Variants in PPP1CB observed in about 807,000 individuals in gnomAD.
PPP1CB encodes serine/threonine-protein phosphatase PP1-beta catalytic subunit.
A neutral mutation model predicts 43.7 loss-of-function variants in PPP1CB; 2 were observed. The ratio of observed to expected loss-of-function variants is 0.05; its 90% confidence interval spans 0.02 to 0.14. The LOEUF is 0.14. Among genes scored for constraint, PPP1CB ranks in the 10% least tolerant of loss-of-function variants. PPP1CB has a pLI of 1.00. For synonymous variants in PPP1CB, 136 were observed against 135.6 expected (o/e 1.00, Z -0.02); for missense variants, 84 against 398.0 (o/e 0.21, Z 6.71).
At position 28,776,828 on chromosome 2, in the gene PPP1CB, CTGTTT is replaced by C; in HGVS notation, c.53-21_53-17del. 6.3e-7 allele frequency: 1 copy of C among 1,576,838 alleles called. No homozygotes were observed. The highest frequency in any genetic ancestry group is 2.3e-5 in the East Asian group (1 of 44,204). The stretch of plus-strand genomic sequence containing the variant: ...TTATGAGTAAATTTTAGAAAACTGA[CTGTTT>C]TATTTATCGTTTGTCAGTACGAGGA... On this transcript the variant is annotated intron_variant, in intron 1 of 7. Transcript: ENST00000395366.
At chr2:28,767,763 CT>C (rs1314880932) in intron 1 of PPP1CB, among the ~76,000 whole-genome samples, 5 of 152,118 alleles carry the variant, frequency 3.3e-5, no homozygotes, top group African/African-American at 1.2e-4. Flanking sequence ...ACAGAGGATT[CT>C]TTTGTTTTGC....
intron 1 of PPP1CB, among the ~76,000 whole-genome samples, chr2:28,771,975 CA>C (rs145379596): frequency 0.44 from 59,116 of 134,792 alleles, 12,477 homozygotes; most frequent in Middle Eastern, 0.54. Context: ...CGAACTTGTC[CA>C]AAAAAAAAAA....
At chr2:28,771,055 CT>C (rs61477582) in intron 1 of PPP1CB, among the ~76,000 whole-genome samples, 170 of 59,582 alleles carry the variant, frequency 2.9e-3, no homozygotes, top group African/African-American at 9.5e-3. Flanking sequence ...CCCCCCCACC[CT>C]TTTTTTTTTT....
intron 6 of PPP1CB, among the ~76,000 whole-genome samples, chr2:28,789,592 GAT>G (rs1491465739): frequency 7.6e-6 from 1 of 131,166 alleles, no homozygotes; most frequent in Non-Finnish European, 1.6e-5. Context: ...ATATGATTTA[GAT>G]TTTTTTTTTT....
upstream of PPP1CB, chr2:28,751,719 G>A (rs987730631): frequency 1.7e-5 from 4 of 238,656 alleles, no homozygotes; most frequent in Admixed American, 6.3e-5. Flanking sequence ...GAGCCTCGGC[G>A]GGGAGCGCAC....
intron 3 of PPP1CB, among the ~76,000 whole-genome samples, chr2:28,780,125 C>T (rs1045919197): frequency 8.1e-6 from 1 of 123,702 alleles, no homozygotes; most frequent in Non-Finnish European, 1.6e-5. Context: ...TCTCGCTCTT[C>T]TTGCCCAGGC....
intron 2 of PPP1CB, 31 bp downstream of exon 2, chr2:28,777,013 C>G: frequency 1.3e-6 from 2 of 1,594,822 alleles, no homozygotes; most frequent in Non-Finnish European, 1.7e-6. Flanking sequence ...GGAAACAACT[C>G]TTTTGAATCA....
At chr2:28,791,255 G>A (rs920733442) in intron 6 of PPP1CB, among the ~76,000 whole-genome samples, 1 of 151,848 alleles carries the variant, frequency 6.6e-6, no homozygotes, top group African/African-American at 2.4e-5. Flanking sequence ...TATTTAGCAG[G>A]ATTTCTTGGT....
chr2:28,758,361 TTC>T (rs1666537923), intron 1 of PPP1CB, among the ~76,000 whole-genome samples: 1 of 152,210 alleles, frequency 6.6e-6, no homozygotes, highest in African/African-American at 2.4e-5. Flanking sequence ...CTGACTTAAA[TTC>T]TGTTATGTAT....
chr2:28,761,174 G>T (rs1666637184), intron 1 of PPP1CB, among the ~76,000 whole-genome samples: 1 of 152,146 alleles, frequency 6.6e-6, no homozygotes, highest in Non-Finnish European at 1.5e-5. Flanking sequence ...ACTGGGGTGA[G>T]CCACCGCGCC....
chr2:28,763,385 A>G (rs938984262), intron 1 of PPP1CB, among the ~76,000 whole-genome samples: 83 of 152,104 alleles, frequency 5.5e-4, no homozygotes, highest in African/African-American at 2.0e-3. Context: ...CTTGGTGTGT[A>G]CTGAGACACT....
chr2:28,755,322 G>A (rs1666462344), intron 1 of PPP1CB, among the ~76,000 whole-genome samples: 1 of 152,222 alleles, frequency 6.6e-6, no homozygotes, highest in South Asian at 2.1e-4. Flanking sequence ...TTACAGGCAT[G>A]TGCCACCGCG....
At position 28,793,880 on chromosome 2, in the gene PPP1CB, T is replaced by C. The variant is rs1477386826; in HGVS notation, c.762T>C (p.Tyr254=). ...TTTGACAGGTGGTGGAAGATGGATA[T>C]GAATTTTTTGCTAAACGACAGTTGG... ...CRAHQVVEDG[Y]EFFAKRQLVT... Residue 254 remains tyrosine, a synonymous_variant, in exon 7 of 8, where the codon TAT becomes TAC. Transcript: ENST00000395366. 1 of 1,613,748 alleles carries C rather than the reference T, an allele frequency of 6.2e-7. No homozygotes were observed. The highest frequency in any genetic ancestry group is 8.5e-7 in the Non-Finnish European group (1 of 1,179,832).
Position 28,783,926 on chromosome 2 carries a change from A to G in PPP1CB, c.540A>G (p.Gln180=), listed in dbSNP as rs2148053323. 7 of 1,612,822 alleles carry G rather than the reference A, an allele frequency of 4.3e-6. No individual in the cohort carries two copies. Among genetic ancestry groups the G allele is most frequent in the Non-Finnish European group, 5.9e-6 (7 of 1,178,928 alleles). The change falls in exon 5 of 8, where the codon CAA becomes CAG. Residue 180 remains glutamine, a synonymous_variant. Coordinates refer to ENST00000395366, the MANE Select transcript of PPP1CB (RefSeq NM_002709.3). ...TTATAGGATTGTCACCAGACCTGCA[A>G]TCTATGGAGCAGATTCGGAGAATTA... ...CCHGGLSPDL[Q]SMEQIRRIMR...
At chr2:28,771,696 G>C (rs1220684939) in intron 1 of PPP1CB, among the ~76,000 whole-genome samples, 1 of 152,090 alleles carries the variant, frequency 6.6e-6, no homozygotes, top group Non-Finnish European at 1.5e-5. Flanking sequence ...TAAAAACCTT[G>C]ACCTTTACAT....
rs747662407 is a variant in PPP1CB, at chr2:28,800,041, T to G, written c.*738T>G. Reference sequence around the variant, plus strand: ...TTTGTGCACTCTAATTTTTAACTTATTGATGCTCTATTGTGCAGTAGCATT... The same window carrying G: ...TTTGTGCACTCTAATTTTTAACTTAGTGATGCTCTATTGTGCAGTAGCATT... On this transcript the variant is annotated 3_prime_UTR_variant, in exon 8 of 8. Coordinates refer to ENST00000395366, the MANE Select transcript of PPP1CB (RefSeq NM_002709.3). 6.6e-6 allele frequency: 1 copy of G among 152,456 alleles called. No homozygotes were observed. Among genetic ancestry groups the G allele is most frequent in the African/African-American group, 2.4e-5 (1 of 41,432 alleles). The allele number at this position is 152,456 out of a possible 1,614,324, so 9.4% of individuals were successfully genotyped here.
rs550181790 is a variant in PPP1CB at position 28,787,988 on chromosome 2, T to A, written c.593-670T>A. ...TGATCTGATTTTGTTCTTCCACATT[T>A]AAAAAAAAATCCTCAGGGTCTCAGT... On this transcript the variant is annotated intron_variant, in intron 5 of 7. Transcript: ENST00000395366. 3.4e-4 allele frequency among the ~76,000 whole-genome samples: 51 copies of A among 151,078 alleles called. No homozygotes were observed. In the South Asian group the frequency reaches 0.01, roughly 31 times the overall value.
chr2:28,763,642 T>C (rs1666710487), intron 1 of PPP1CB, among the ~76,000 whole-genome samples: 1 of 152,204 alleles, frequency 6.6e-6, no homozygotes, highest in Admixed American at 6.5e-5. Context: ...ATACACAATA[T>C]TACAGACAAT....
chr2:28,775,668 C>T (rs1447768424), intron 1 of PPP1CB, among the ~76,000 whole-genome samples: 1 of 152,172 alleles, frequency 6.6e-6, no homozygotes, highest in Admixed American at 6.5e-5. Flanking sequence ...CAAGCTACTG[C>T]TCCCAGCCTA....
Sources: gnomAD v4.1 joint callset for allele counts (sites outside exome capture counted in the v4.1 genomes callset) on GRCh38, gnomAD v4.1.1 for gene constraint, MANE v1.5 for transcripts, NCBI Gene and HGNC (gene_info 2026-07-23, HGNC 2026-07-21) for gene names.